The following S100A7A variants were observed in gnomAD, a reference collection of about 807,000 sequenced individuals.
S100A7A encodes S100 calcium binding protein A7A.
A neutral mutation model predicts 4.0 loss-of-function variants in S100A7A; 5 were observed. The ratio of observed to expected loss-of-function variants is 1.26; its 90% CI spans 0.66 to 2.66. The LOEUF (loss-of-function observed/expected upper bound fraction) is 2.66, where lower values mean the gene tolerates loss of function less well. Ranked by LOEUF, S100A7A falls within the 30% of genes most tolerant of loss-of-function variation. The pLI is 0.01. For missense variants in S100A7A, 159 were observed against 125.1 expected, an observed-to-expected ratio of 1.27 and a Z score of -1.29; for synonymous variants, 52 against 46.4, an observed-to-expected ratio of 1.12 and a Z score of -0.49.
intron 1 of S100A7A, 49 bp downstream of exon 1, chr1:153,416,612 G>C (rs1252300024): frequency 4.5e-6 from 2 of 441,150 alleles, no homozygotes; most frequent in Admixed American, 5.3e-5. Context: ...CCAGTGCCCA[G>C]CCTGCCATGC....
rs1662873093 is a variant in S100A7A, at chr1:153,420,508, T to A, written c.*1199T>A. 1 of 152,346 alleles carries A rather than the reference T, an allele frequency of 6.6e-6. No individual in the cohort carries two copies. The highest frequency in any genetic ancestry group is 1.9e-4 in the East Asian group (1 of 5,208). The allele number at this position is 152,346 out of a possible 1,614,324, so 9.4% of individuals were successfully genotyped here. A position where few individuals can be genotyped will look rare whatever the true frequency, so the allele number is the denominator to read the frequency against. On this transcript the variant is annotated 3_prime_UTR_variant, in exon 3 of 3. Coordinates refer to ENST00000368729, the MANE Select transcript of S100A7A (RefSeq NM_176823.4). Reference sequence around the variant, plus strand: ...TCAGGCAAACATCTCAAAAATTCTCTTTCCATCCTACCAGCAGCAGTGTGT... The same window carrying A: ...TCAGGCAAACATCTCAAAAATTCTCATTCCATCCTACCAGCAGCAGTGTGT...
intron 1 of S100A7A, among the ~76,000 whole-genome samples, chr1:153,417,432 A>C (rs1040186466): frequency 2.0e-5 from 3 of 151,786 alleles, no homozygotes; most frequent in Admixed American, 6.6e-5. Flanking sequence ...TAACAGAGGC[A>C]ATTCTTGTTT....
At position 153,422,473 on chromosome 1, in the gene S100A7A, G is replaced by C. The variant is rs552171724; in HGVS notation, c.*3164G>C. The C allele has an allele frequency of 2.8e-5, 27 of 967,070 alleles. No homozygotes were observed. The highest frequency in any genetic ancestry group is 3.2e-5 in the Non-Finnish European group (26 of 813,358). The allele number at this position is 967,070 out of a possible 1,614,324, so 59.9% of individuals were successfully genotyped here. A position where few individuals can be genotyped will look rare whatever the true frequency, so the allele number is the denominator to read the frequency against. ...TTAATAGCTACTGGACATTATATTG[G>C]TACTAAAGAGAAAGAATACTTGACA... On this transcript the variant is annotated 3_prime_UTR_variant, in exon 3 of 3. Transcript: ENST00000368729.
chr1:153,419,510 A>C lies in S100A7A; in HGVS notation c.*201A>C, dbSNP rs1452354425. On this transcript the variant is annotated 3_prime_UTR_variant, in exon 3 of 3. Coordinates refer to ENST00000368729, the MANE Select transcript of S100A7A (RefSeq NM_176823.4). ...ATGTCCCTCCAGCAACGTTCCCCCT[A>C]TGGCCTCCAGCAGAGCTGATCTGCC... The C allele has an allele frequency of 1.6e-6, 1 of 624,964 alleles. No homozygotes were observed. Among genetic ancestry groups the C allele is most frequent in the African/African-American group, 1.8e-5 (1 of 54,068 alleles). The allele number at this position is 624,964 out of a possible 1,614,324, so 38.7% of individuals were successfully genotyped here. A position where few individuals can be genotyped will look rare whatever the true frequency, so the allele number is the denominator to read the frequency against.
chr1:153,422,603 TC>T lies in S100A7A; in HGVS notation c.*3295del, dbSNP rs955436701. ...AAAACATTCCAATAACTTTTTTTTTTCAGGCGCAGTCTCACTCTGTCGCCCG... is the reference window on the plus strand; with the variant it reads ...AAAACATTCCAATAACTTTTTTTTTTAGGCGCAGTCTCACTCTGTCGCCCG... On this transcript the variant is annotated 3_prime_UTR_variant, in exon 3 of 3. Transcript: ENST00000368729. The T allele has an allele frequency of 1.4e-4, 126 of 869,598 alleles. No individual in the cohort carries two copies. The African/African-American group carries it at 2.2e-3, about 15-fold the overall frequency. 53.9% of individuals were successfully genotyped at this position (869,598 alleles called of 1,614,324 possible).
chr1:153,416,604 A>C (rs1261873262), intron 1 of S100A7A, 41 bp downstream of exon 1: 2 of 452,256 alleles, frequency 4.4e-6, no homozygotes, highest in African/African-American at 2.0e-5. Context: ...AGAAGTGCCC[A>C]GTGCCCAGCC....
chr1:153,419,296 G>C lies in S100A7A; in HGVS notation c.293G>C (p.Gly98Ala), dbSNP rs775040683. Reference sequence around the variant, plus strand: ...AGCCATGGAGCGGCGCCCTGTTCTGGGGGAAGCCAGTGATCCAGCCCCACC... The same window carrying C: ...AGCCATGGAGCGGCGCCCTGTTCTGCGGGAAGCCAGTGATCCAGCCCCACC... ...KQSHGAAPCS[G>A]GSQ The change falls in exon 3 of 3, where the codon GGG becomes GCG. Residue 98 changes from glycine to alanine, a missense_variant. Gly to Ala is a moderately conservative substitution (Grantham distance 60). Coordinates refer to ENST00000368729, the MANE Select transcript of S100A7A (RefSeq NM_176823.4). 3 of 1,614,028 alleles carry C rather than the reference G, an allele frequency of 1.9e-6. No individual in the cohort carries two copies. The highest frequency in any genetic ancestry group is 4.5e-5 in the East Asian group (2 of 44,858).
chr1:153,418,926 C>T (rs1250694631), intron 2 of S100A7A, among the ~76,000 whole-genome samples: 5 of 152,108 alleles, frequency 3.3e-5, no homozygotes, highest in Non-Finnish European at 5.9e-5. Flanking sequence ...ACCTGCCTCC[C>T]ATCCTGAGGT....
In S100A7A at chr1:153,420,342, G is replaced by T. The variant is rs1662865828; in HGVS notation, c.*1033G>T. Reference sequence around the variant, plus strand: ...CACAACACAGGGTCAGTGTTCACCTGGTGTCACTTCCAGGCAATGTTCTGT... The same window carrying T: ...CACAACACAGGGTCAGTGTTCACCTTGTGTCACTTCCAGGCAATGTTCTGT... On this transcript the variant is annotated 3_prime_UTR_variant, in exon 3 of 3. Transcript: ENST00000368729. 1 of 152,284 alleles carries T rather than the reference G, an allele frequency of 6.6e-6. No individual in the cohort carries two copies. The highest frequency in any genetic ancestry group is 1.5e-5 in the Non-Finnish European group (1 of 68,160). The allele number at this position is 152,284 out of a possible 1,614,324, so 9.4% of individuals were successfully genotyped here.
chr1:153,417,824 C>T, intron 1 of S100A7A: 1 of 465,438 alleles, frequency 2.1e-6, no homozygotes, highest in East Asian at 3.8e-5. Flanking sequence ...GCACTGTCCA[C>T]AGCTGGACTT....
In S100A7A at chr1:153,419,669, G is replaced by T; in HGVS notation, c.*360G>T. 3.9e-6 allele frequency: 1 copy of T among 259,544 alleles called. No homozygotes were observed. Among genetic ancestry groups the T allele is most frequent in the Non-Finnish European group, 7.4e-6 (1 of 135,756 alleles). The allele number at this position is 259,544 out of a possible 1,614,324, so 16.1% of individuals were successfully genotyped here. A position where few individuals can be genotyped will look rare whatever the true frequency, so the allele number is the denominator to read the frequency against. ...TCTCCTTGTCAAGGCATGGACCAGG[G>T]TCATTCAGACACATTCAGATACTGC... On this transcript the variant is annotated 3_prime_UTR_variant, in exon 3 of 3. Transcript: ENST00000368729.
At position 153,422,738 on chromosome 1, in the gene S100A7A, T is replaced by A. The variant is rs1662929888; in HGVS notation, c.*3429T>A. 1 of 154,074 alleles carries A rather than the reference T, an allele frequency of 6.5e-6. No homozygotes were observed. Among genetic ancestry groups the A allele is most frequent in the African/African-American group, 2.4e-5 (1 of 41,462 alleles). 9.5% of individuals were successfully genotyped at this position (154,074 alleles called of 1,614,324 possible). A position where few individuals can be genotyped will look rare whatever the true frequency, so the allele number is the denominator to read the frequency against. On this transcript the variant is annotated 3_prime_UTR_variant, in exon 3 of 3. Coordinates refer to ENST00000368729, the MANE Select transcript of S100A7A (RefSeq NM_176823.4). Reference sequence around the variant, plus strand: ...TTATTCAGCCTTCTCTACAGGAATCTCTTATGTTCCCCCACATGCAGGTGG... The same window carrying A: ...TTATTCAGCCTTCTCTACAGGAATCACTTATGTTCCCCCACATGCAGGTGG...
In S100A7A at chr1:153,419,404, T is replaced by A. The variant is rs187913345; in HGVS notation, c.*95T>A. On this transcript the variant is annotated 3_prime_UTR_variant, in exon 3 of 3. Transcript: ENST00000368729. ...TTATTTCTTCTTCTCTTTGGTGACC[T>A]ACATTGTCAAAACTACCAATTCCAG... The A allele has an allele frequency of 2.7e-3, 3,711 of 1,368,490 alleles. 5 individuals are homozygous for A. Among genetic ancestry groups the A allele is most frequent in the Non-Finnish European group, 3.4e-3 (3,411 of 1,002,908 alleles). 84.8% of individuals were successfully genotyped at this position (1,368,490 alleles called of 1,614,324 possible).
rs1662922902 is a variant in S100A7A, at chr1:153,422,489, A to G, written c.*3180A>G. 1 of 983,356 alleles carries G rather than the reference A, an allele frequency of 1.0e-6. No homozygotes were observed. Among genetic ancestry groups the G allele is most frequent in the East Asian group, 1.1e-4 (1 of 8,802 alleles). The allele number at this position is 983,356 out of a possible 1,614,324, so 60.9% of individuals were successfully genotyped here. A position where few individuals can be genotyped will look rare whatever the true frequency, so the allele number is the denominator to read the frequency against. On this transcript the variant is annotated 3_prime_UTR_variant, in exon 3 of 3. Transcript: ENST00000368729. ...ATTATATTGGTACTAAAGAGAAAGA[A>G]TACTTGACAGCTCTATGCCCACACT...
Position 153,419,711 on chromosome 1 carries a change from CAT to C in S100A7A, c.*403_*404del, listed in dbSNP as rs1381141820. 1.2e-5 allele frequency: 2 copies of C among 170,490 alleles called. No homozygotes were observed. Among genetic ancestry groups the C allele is most frequent in the Admixed American group, 1.2e-4 (2 of 16,302 alleles). The allele number at this position is 170,490 out of a possible 1,614,324, so 10.6% of individuals were successfully genotyped here. A position where few individuals can be genotyped will look rare whatever the true frequency, so the allele number is the denominator to read the frequency against. ...AGATACTGCACTGAGAAGGAGCTGG[CAT>C]CTCTCAGTGTGCTCCTGCCCTCCCA... On this transcript the variant is annotated 3_prime_UTR_variant, in exon 3 of 3. Transcript: ENST00000368729.
rs1010326314 is a variant in S100A7A, at chr1:153,421,686, C to T, written c.*2377C>T. On this transcript the variant is annotated 3_prime_UTR_variant, in exon 3 of 3. Transcript: ENST00000368729. ...GTTCCCTCAGGACTCACGTACTGATCTCCCAAAAGAAGAGAGGGTCTCCCT... is the reference window on the plus strand; with the variant it reads ...GTTCCCTCAGGACTCACGTACTGATTTCCCAAAAGAAGAGAGGGTCTCCCT... The T allele has an allele frequency of 6.6e-6, 1 of 152,214 alleles. No individual in the cohort carries two copies. Among genetic ancestry groups the T allele is most frequent in the African/African-American group, 2.4e-5 (1 of 41,426 alleles). 9.4% of individuals were successfully genotyped at this position (152,214 alleles called of 1,614,324 possible).
In S100A7A at chr1:153,418,159, A is replaced by G. The variant is rs959741814; in HGVS notation, c.77A>G (p.Lys26Arg). Residue 26 changes from lysine to arginine, a missense_variant, in exon 2 of 3, where the codon AAG becomes AGG. Physicochemically the swap from Lys to Arg is conservative, Grantham distance 26. Coordinates refer to ENST00000368729, the MANE Select transcript of S100A7A (RefSeq NM_176823.4). ...MFHKYTGRDG[K>R]IEKPSLLTMM... ...CACAAATACACCGGACGTGATGGCA[A>G]GATTGAGAAGCCAAGCCTGCTGACG... 3 of 1,613,976 alleles carry G rather than the reference A, an allele frequency of 1.9e-6. No individual in the cohort carries two copies. The highest frequency in any genetic ancestry group is 2.7e-5 in the African/African-American group (2 of 74,926).
Position 153,419,419 on chromosome 1 carries a change from A to C in S100A7A, c.*110A>C. 6 of 1,240,898 alleles carry C rather than the reference A, an allele frequency of 4.8e-6. No individual in the cohort carries two copies. Among genetic ancestry groups the C allele is most frequent in the Non-Finnish European group, 6.7e-6 (6 of 895,918 alleles). 76.9% of individuals were successfully genotyped at this position (1,240,898 alleles called of 1,614,324 possible). A position where few individuals can be genotyped will look rare whatever the true frequency, so the allele number is the denominator to read the frequency against. On this transcript the variant is annotated 3_prime_UTR_variant, in exon 3 of 3. Transcript: ENST00000368729. The stretch of plus-strand genomic sequence containing the variant: ...TTTGGTGACCTACATTGTCAAAACT[A>C]CCAATTCCAGGTTAACTTTGTTGGA...
Position 153,418,147 on chromosome 1 carries a change from G to A in S100A7A, c.65G>A (p.Gly22Glu). The A allele has an allele frequency of 1.2e-6, 2 of 1,614,046 alleles. No homozygotes were observed. Among genetic ancestry groups the A allele is most frequent in the Non-Finnish European group, 1.7e-6 (2 of 1,179,972 alleles). ...GMIDMFHKYT[G>E]RDGKIEKPSL... ...ATCGACATGTTTCACAAATACACCG[G>A]ACGTGATGGCAAGATTGAGAAGCCA... The change falls in exon 2 of 3, where the codon GGA becomes GAA. Residue 22 changes from glycine (G) to glutamate (E), a missense_variant. Physicochemically the swap from Gly to Glu is moderately conservative, Grantham distance 98. Coordinates refer to ENST00000368729, the MANE Select transcript of S100A7A (RefSeq NM_176823.4).
Sources: allele counts gnomAD v4.1 joint callset (sites outside exome capture counted in the v4.1 genomes callset), GRCh38; gene constraint gnomAD v4.1.1; transcripts MANE v1.5; gene names NCBI Gene and HGNC (gene_info 2026-07-23, HGNC 2026-07-21).